Variants in ZNF700 observed in about 807,000 individuals in gnomAD.
ZNF700 encodes the protein zinc finger protein 700.
A neutral mutation model predicts 65.3 loss-of-function variants in ZNF700; 38 were observed. The ratio of observed to expected loss-of-function variants is 0.58; its 90% CI spans 0.45 to 0.76. The LOEUF (loss-of-function observed/expected upper bound fraction) is 0.76. Among genes scored for constraint, ZNF700 ranks in the 30% least tolerant of loss-of-function variants. The pLI, the probability that ZNF700 is intolerant of heterozygous loss-of-function variation, is 0.00. For synonymous variants in ZNF700, 285 were observed against 290.4 expected, an observed-to-expected ratio of 0.98 and a Z score of 0.19; for missense variants, 857 against 888.4, an observed-to-expected ratio of 0.96 and a Z score of 0.45.
At chr19:11,945,083 A>G (rs1177561943) in intron 1 of ZNF700, among the ~76,000 whole-genome samples, 1 of 152,254 alleles carries the variant, frequency 6.6e-6, no homozygotes, top group African/African-American at 2.4e-5. Context: ...TAGAACTCCA[A>G]CTGCCTTTTT....
intron 1 of ZNF700, among the ~76,000 whole-genome samples, chr19:11,928,153 A>G (rs1972660299): frequency 6.6e-6 from 1 of 151,906 alleles, no homozygotes; most frequent in South Asian, 2.1e-4. Flanking sequence ...CACCTGGCTA[A>G]TTTTTTATTT....
intron 1 of ZNF700, 43 bp downstream of exon 1, chr19:11,925,316 G>C (rs1170172378): frequency 5.0e-6 from 8 of 1,604,718 alleles, no homozygotes; most frequent in Non-Finnish European, 6.8e-6. Context: ...GGGAGGGGCT[G>C]CCTGGAACAG....
intron 1 of ZNF700, among the ~76,000 whole-genome samples, chr19:11,945,947 C>T (rs1469534798): frequency 2.0e-5 from 3 of 152,000 alleles, no homozygotes; most frequent in South Asian, 2.1e-4. Flanking sequence ...CGTGTGGCTT[C>T]GATTATATCA....
rs781715308 is a variant in ZNF700 at position 11,949,535 on chromosome 19, G to C, written c.1511G>C (p.Gly504Ala). ...RTEKHIRMPS[G>A]ERPYKCSICE... ...GAAAAACACATAAGAATGCCCTCTGGAGAAAGACCTTATAAATGTAGTATA... is the reference window on the plus strand; with the variant it reads ...GAAAAACACATAAGAATGCCCTCTGCAGAAAGACCTTATAAATGTAGTATA... Residue 504 changes from glycine (G) to alanine (A), a missense_variant, in exon 4 of 4, where the codon GGA becomes GCA. Transcript: ENST00000254321. 6.2e-7 allele frequency: 1 copy of C among 1,611,368 alleles called. No individual in the cohort carries two copies.
At chr19:11,943,366 G>A (rs1010797694) in intron 1 of ZNF700, among the ~76,000 whole-genome samples, 16 of 152,150 alleles carry the variant, frequency 1.1e-4, no homozygotes, top group Non-Finnish European at 2.1e-4. Flanking sequence ...TTGATAGATA[G>A]CATTTTTCAT....
Position 11,950,131 on chromosome 19 carries a change from C to T in ZNF700, c.2107C>T (p.His703Tyr), listed in dbSNP as rs1288679754. ...TGCAAGAACACACATTGGAGAGAAACACTATGAATGTAAGGAATGCGGAAA... is the reference window on the plus strand; with the variant it reads ...TGCAAGAACACACATTGGAGAGAAATACTATGAATGTAAGGAATGCGGAAA... ...IHARTHIGEK[H>Y]YECKECGKAF... The change falls in exon 4 of 4, where the codon CAC becomes TAC. Residue 703 changes from histidine (H) to tyrosine (Y), a missense_variant. His to Tyr is a moderately conservative substitution (Grantham distance 83). Coordinates refer to ENST00000254321, the MANE Select transcript of ZNF700 (RefSeq NM_144566.3). 1 of 1,614,080 alleles carries T rather than the reference C, an allele frequency of 6.2e-7. No homozygotes were observed. The highest frequency in any genetic ancestry group is 8.5e-7 in the Non-Finnish European group (1 of 1,180,032).
chr19:11,931,676 T>TATGCACAAAATA (rs1555700046), intron 1 of ZNF700, among the ~76,000 whole-genome samples: 5 of 148,582 alleles, frequency 3.4e-5, no homozygotes, highest in Admixed American at 6.6e-5. Context: ...AGAGGTTACA[T>TATGCACAAAATA]CATAGTGATA....
chr19:11,945,293 C>A (rs1972942716), intron 1 of ZNF700, among the ~76,000 whole-genome samples: 1 of 152,210 alleles, frequency 6.6e-6, no homozygotes, highest in Non-Finnish European at 1.5e-5. Flanking sequence ...GTCTGCAGAA[C>A]CCTACTGCTC....
Position 11,950,296 on chromosome 19 carries a change from A to G in ZNF700, c.*43A>G, listed in dbSNP as rs747840050. 1 of 1,571,702 alleles carries G rather than the reference A, an allele frequency of 6.4e-7. No individual in the cohort carries two copies. The highest frequency in any genetic ancestry group is 2.2e-5 in the East Asian group (1 of 44,572). On this transcript the variant is annotated 3_prime_UTR_variant, in exon 4 of 4. Coordinates refer to ENST00000254321, the MANE Select transcript of ZNF700 (RefSeq NM_144566.3). ...ACATGAATAGACTCACACTGGAAGG[A>G]AGCACTATGAATGCAAGCAATGTGG...
At chr19:11,941,636 G>A (rs914017945) in intron 1 of ZNF700, among the ~76,000 whole-genome samples, 3 of 152,242 alleles carry the variant, frequency 2.0e-5, no homozygotes, top group Admixed American at 6.5e-5. Flanking sequence ...CAGCTGGCCC[G>A]CAAGCGCCGC....
At chr19:11,940,943 CAG>C (rs1972872488) in intron 1 of ZNF700, among the ~76,000 whole-genome samples, 1 of 152,062 alleles carries the variant, frequency 6.6e-6, no homozygotes. Context: ...GAGCTAGACA[CAG>C]GGTGCTGATT....
chr19:11,945,262 C>T (rs959893180), intron 1 of ZNF700, among the ~76,000 whole-genome samples: 4 of 152,220 alleles, frequency 2.6e-5, no homozygotes, highest in Admixed American at 6.5e-5. Flanking sequence ...TTGGCCAGTA[C>T]TGCAAAGTTT....
intron 1 of ZNF700, among the ~76,000 whole-genome samples, chr19:11,936,137 T>A (rs560026791): frequency 6.6e-6 from 1 of 152,324 alleles, no homozygotes; most frequent in Admixed American, 6.5e-5. Context: ...TTCCAAGTCT[T>A]TGCTATTGTG....
In ZNF700 at chr19:11,950,122, G is replaced by T; in HGVS notation, c.2098G>T (p.Gly700Ter). Residue 700 changes from glycine to a stop codon, truncating the protein, a stop_gained, in exon 4 of 4, where the codon GGA becomes TGA. Transcript: ENST00000254321. LOFTEE classifies it high-confidence loss of function. ...TCAAATACATGCAAGAACACACATT[G>T]GAGAGAAACACTATGAATGTAAGGA... is the stretch of plus-strand genomic sequence containing the variant. ...ILQIHARTHI[G>*]EKHYECKECG... The T allele has an allele frequency of 6.2e-7, 1 of 1,614,076 alleles. No individual in the cohort carries two copies. Among genetic ancestry groups the T allele is most frequent in the Non-Finnish European group, 8.5e-7 (1 of 1,180,014 alleles).
intron 1 of ZNF700, among the ~76,000 whole-genome samples, chr19:11,944,117 G>A (rs779605099): frequency 5.9e-5 from 9 of 152,114 alleles, no homozygotes; most frequent in Non-Finnish European, 1.2e-4. Flanking sequence ...GGTGAACTGG[G>A]GAGAATAAGC....
intron 1 of ZNF700, among the ~76,000 whole-genome samples, chr19:11,941,776 T>TGC (rs1324559760): frequency 1.1e-4 from 17 of 152,184 alleles, no homozygotes; most frequent in African/African-American, 4.1e-4. Context: ...GCTCCTCAAG[T>TGC]GCCGCCAAAG....
At chr19:11,926,424 T>C (rs948262860) in intron 1 of ZNF700, among the ~76,000 whole-genome samples, 2 of 152,212 alleles carry the variant, frequency 1.3e-5, no homozygotes, top group African/African-American at 4.8e-5. Context: ...CGGAGTCTCC[T>C]GTCGCCCAGA....
In ZNF700 at chr19:11,949,142, C is replaced by T. The variant is rs760078465; in HGVS notation, c.1118C>T (p.Ser373Phe). ...AAGATATGTGGGAAAGGCTTTTATT[C>T]TGCCAAGTCATTTCAAACACATGAA... ...KCKICGKGFY[S>F]AKSFQTHEKT... The change falls in exon 4 of 4, where the codon TCT (serine) becomes TTT (phenylalanine). Residue 373 changes from serine (S) to phenylalanine (F), a missense_variant. By Grantham distance (155) the Ser-to-Phe change is radical. Coordinates refer to ENST00000254321, the MANE Select transcript of ZNF700 (RefSeq NM_144566.3). 1.9e-6 allele frequency: 3 copies of T among 1,612,264 alleles called. No homozygotes were observed. The highest frequency in any genetic ancestry group is 2.5e-6 in the Non-Finnish European group (3 of 1,179,654).
At chr19:11,936,331 A>G (rs959421066) in intron 1 of ZNF700, among the ~76,000 whole-genome samples, 1 of 152,140 alleles carries the variant, frequency 6.6e-6, no homozygotes. Flanking sequence ...CTATTTCTCC[A>G]CATCCTCTCC....
Sources: allele counts gnomAD v4.1 joint callset (sites outside exome capture counted in the v4.1 genomes callset), GRCh38; gene constraint gnomAD v4.1.1; transcripts MANE v1.5; gene names NCBI Gene and HGNC (gene_info 2026-07-23, HGNC 2026-07-21).